The following PEX13 variants were observed in gnomAD, a reference collection of about 807,000 sequenced individuals.
The protein encoded by PEX13 is peroxisome biogenesis factor 13.
PEX13 carries 28 observed loss-of-function variants against 34.5 expected under a neutral mutation model. The observed-to-expected ratio is 0.81, with a 90% CI of 0.60 to 1.11. The LOEUF (loss-of-function observed/expected upper bound fraction) is 1.11, where lower values mean the gene tolerates loss of function less well. PEX13 is among the 50% of genes most tolerant of loss of function. PEX13 has a pLI of 0.00. For synonymous variants in PEX13, 177 were observed against 175.1 expected, an observed-to-expected ratio of 1.01 and a Z score of -0.09; for missense variants, 550 against 491.0, an observed-to-expected ratio of 1.12 and a Z score of -1.13.
chr2:61,031,712 C>T lies in PEX13; in HGVS notation c.386C>T (p.Ala129Val). 1 of 1,614,174 alleles carries T rather than the reference C, an allele frequency of 6.2e-7. No homozygotes were observed. Among genetic ancestry groups the T allele is most frequent in the Non-Finnish European group, 8.5e-7 (1 of 1,180,022 alleles). ...VQQAEESSRGAFQSIESIVHA... is the reference protein window; with the variant it reads ...VQQAEESSRGVFQSIESIVHA... ...CAAGCTGAAGAAAGCAGCAGGGGTG[C>T]ATTTCAGTCCATTGAAAGTATTGTG... The change falls in exon 2 of 4, where the codon GCA (alanine) becomes GTA (valine). Residue 129 changes from alanine (A) to valine (V), a missense_variant. By Grantham distance (64) the Ala-to-Val change is moderately conservative. Coordinates refer to ENST00000295030, the MANE Select transcript of PEX13 (RefSeq NM_002618.4).
intron 2 of PEX13, among the ~76,000 whole-genome samples, chr2:61,035,048 G>A (rs946644594): frequency 2.6e-5 from 4 of 152,190 alleles, no homozygotes; most frequent in African/African-American, 9.7e-5. Flanking sequence ...AGCCTGACTG[G>A]GAGACACCTC....
intron 1 of PEX13, among the ~76,000 whole-genome samples, 159 bp from the exon 2 acceptor site, chr2:61,031,260 C>G (rs113932738): frequency 0.011 from 1,606 of 152,250 alleles, 31 homozygotes; most frequent in African/African-American, 0.036. Context: ...CTACTACACT[C>G]CAGCTTGGGC....
chr2:61,042,542 A>G (rs765634453), intron 2 of PEX13, among the ~76,000 whole-genome samples: 6 of 152,222 alleles, frequency 3.9e-5, no homozygotes, highest in Admixed American at 6.5e-5. Context: ...CACTATAGCT[A>G]TGTTAAATGG....
intron 1 of PEX13, among the ~76,000 whole-genome samples, chr2:61,027,371 A>C (rs546514722): frequency 1.3e-5 from 2 of 151,518 alleles, no homozygotes; most frequent in East Asian, 3.9e-4. Context: ...ACACACACAC[A>C]CAAAAACAGC....
chr2:61,017,794 G>T lies in PEX13; in HGVS notation c.35G>T (p.Trp12Leu). The T allele has an allele frequency of 6.4e-7, 1 of 1,550,458 alleles. No individual in the cohort carries two copies. Among genetic ancestry groups the T allele is most frequent in the South Asian group, 1.2e-5 (1 of 83,978 alleles). Residue 12 changes from tryptophan to leucine, a missense_variant, in exon 1 of 4, where the codon TGG becomes TTG. Coordinates refer to ENST00000295030, the MANE Select transcript of PEX13 (RefSeq NM_002618.4). ...ASQPPPPPKP[W>L]ETRRIPGAGP... Reference sequence around the variant, plus strand: ...CAGCCGCCACCTCCCCCCAAACCCTGGGAGACCCGCCGAATTCCGGGAGCC... The same window carrying T: ...CAGCCGCCACCTCCCCCCAAACCCTTGGAGACCCGCCGAATTCCGGGAGCC...
Position 61,023,732 on chromosome 2 carries a change from C to CTT in PEX13, c.92+5896_92+5897dup, listed in dbSNP as rs375431867. On this transcript the variant is annotated intron_variant, in intron 1 of 3. Coordinates refer to ENST00000295030, the MANE Select transcript of PEX13 (RefSeq NM_002618.4). ...AAGGGACCTAAGTTTTTCCTGACTT[C>CTT]TTTTTTTTTTTTTTTTGTCAGCTCT... Among the ~76,000 whole-genome samples the CTT allele has an allele frequency of 4.4e-3, 568 of 130,202 alleles. 5 individuals carry two copies. The highest frequency in any genetic ancestry group is 6.5e-3 in the Non-Finnish European group (399 of 61,712). The allele number at this position is 130,202 out of a possible 152,430, so 85.4% of individuals were successfully genotyped here.
At chr2:61,019,851 A>G (rs758838477) in intron 1 of PEX13, among the ~76,000 whole-genome samples, 22 of 152,168 alleles carry the variant, frequency 1.4e-4, no homozygotes, top group Non-Finnish European at 3.1e-4. Flanking sequence ...TTATAAAAAG[A>G]CTTACTGGGA....
intron 3 of PEX13, 120 bp from the exon 4 acceptor site, chr2:61,048,352 C>A: frequency 1.3e-6 from 1 of 790,028 alleles, no homozygotes; most frequent in Middle Eastern, 2.8e-4. Context: ...TATGCATGTA[C>A]TATTTGTTAT....
chr2:61,041,014 A>G (rs1680617556), intron 2 of PEX13, among the ~76,000 whole-genome samples: 1 of 151,946 alleles, frequency 6.6e-6, no homozygotes, highest in Non-Finnish European at 1.5e-5. Context: ...TGGCAGTGAC[A>G]TGGGTCCTAA....
intron 1 of PEX13, among the ~76,000 whole-genome samples, chr2:61,023,047 C>A (rs567592371): frequency 6.6e-6 from 1 of 151,878 alleles, no homozygotes; most frequent in East Asian, 1.9e-4. Context: ...CTCTGCCACC[C>A]GGGCTGGAGT....
At position 61,031,466 on chromosome 2, in the gene PEX13, C is replaced by G. The variant is rs772116644; in HGVS notation, c.140C>G (p.Ala47Gly). 4.3e-6 allele frequency: 7 copies of G among 1,614,060 alleles called. 1 individual carries two copies. In the South Asian group the frequency reaches 6.6e-5, roughly 15 times the overall value. Residue 47 changes from alanine (A) to glycine (G), a missense_variant, in exon 2 of 4, where the codon GCA becomes GGA. Physicochemically the swap from Ala to Gly is moderately conservative, Grantham distance 60. Coordinates refer to ENST00000295030, the MANE Select transcript of PEX13 (RefSeq NM_002618.4). ...PTLMTRPGQP[A>G]LTRVPPPILP... ...TTAATGACAAGACCTGGACAACCAG[C>G]ACTTACCAGAGTGCCCCCACCTATT...
At chr2:61,033,622 A>G (rs1355518307) in intron 2 of PEX13, among the ~76,000 whole-genome samples, 1 of 152,182 alleles carries the variant, frequency 6.6e-6, no homozygotes, top group Non-Finnish European at 1.5e-5. Context: ...GCTATAGGGG[A>G]AAAAACAAAA....
chr2:61,038,080 C>G (rs1026257928), intron 2 of PEX13, among the ~76,000 whole-genome samples: 1 of 152,160 alleles, frequency 6.6e-6, no homozygotes, highest in Admixed American at 6.5e-5. Context: ...CTGAATAGAC[C>G]AATAACAGGT....
intron 2 of PEX13, among the ~76,000 whole-genome samples, chr2:61,041,354 A>G (rs80313590): frequency 0.022 from 3,301 of 152,226 alleles, 130 homozygotes; most frequent in African/African-American, 0.075. Flanking sequence ...AAGAACTAAT[A>G]TAAGTGAATG....
At chr2:61,027,530 G>T (rs778329736) in intron 1 of PEX13, among the ~76,000 whole-genome samples, 6 of 152,054 alleles carry the variant, frequency 3.9e-5, no homozygotes, top group Non-Finnish European at 7.4e-5. Context: ...CTCTTTGTAG[G>T]AGTCAAGGTG....
intron 2 of PEX13, among the ~76,000 whole-genome samples, chr2:61,043,352 A>G (rs931212159): frequency 6.8e-6 from 1 of 146,926 alleles, no homozygotes; most frequent in Non-Finnish European, 1.5e-5. Context: ...AAAAAAAAAA[A>G]CAAATTTTCA....
In PEX13 at chr2:61,036,532, A is replaced by G. The variant is rs186113751; in HGVS notation, c.787+4419A>G. Among the ~76,000 whole-genome samples, 38 of 152,336 alleles carry G rather than the reference A, an allele frequency of 2.5e-4. No homozygotes were observed. The East Asian group carries it at 6.8e-3, about 27-fold the overall frequency. On this transcript the variant is annotated intron_variant, in intron 2 of 3. Coordinates refer to ENST00000295030, the MANE Select transcript of PEX13 (RefSeq NM_002618.4). ...CTCATATCCAGCCAAACTAAGCTTC[A>G]TAAGCGAAGGAGAAATAAATTCCTT...
At chr2:61,046,007 G>A (rs1680699542) in intron 3 of PEX13, among the ~76,000 whole-genome samples, 156 bp downstream of exon 3, 1 of 152,122 alleles carries the variant, frequency 6.6e-6, no homozygotes. Context: ...TCCAAATCTG[G>A]AGGAGTCAGG....
At chr2:61,038,492 C>G (rs1680570833) in intron 2 of PEX13, among the ~76,000 whole-genome samples, 3 of 152,148 alleles carry the variant, frequency 2.0e-5, no homozygotes. Flanking sequence ...TAAACAGAAC[C>G]AAAGACAAAA....
Sources: allele counts gnomAD v4.1 joint callset (sites outside exome capture counted in the v4.1 genomes callset), GRCh38; gene constraint gnomAD v4.1.1; transcripts MANE v1.5; gene names NCBI Gene and HGNC (gene_info 2026-07-23, HGNC 2026-07-21).